VOPP1: variants seen among roughly 807,000 people sequenced by gnomAD.
VOPP1 encodes the protein VOPP1 WW domain binding protein.
Under a neutral mutation model 23.5 loss-of-function variants are expected in VOPP1, and 8 were observed. That is an observed-to-expected ratio of 0.34 (90% CI 0.20 to 0.61). The LOEUF (loss-of-function observed/expected upper bound fraction) is 0.61. Among genes scored for constraint, VOPP1 ranks in the 20% least tolerant of loss-of-function variants. The pLI is 0.78. For missense variants in VOPP1, 174 were observed against 238.1 expected (o/e 0.73, Z 1.77); for synonymous variants, 83 against 97.3 (o/e 0.85, Z 0.86).
chr7:55,436,827 G>A (rs1348771042), intron 4 of VOPP1, among the ~76,000 whole-genome samples: 3 of 152,046 alleles, frequency 2.0e-5, no homozygotes. Context: ...GAGAGACCAG[G>A]GTGTCAGCTG....
At chr7:55,515,112 C>T (rs1344303053) in intron 2 of VOPP1, among the ~76,000 whole-genome samples, 2 of 152,218 alleles carry the variant, frequency 1.3e-5, no homozygotes, top group South Asian at 2.1e-4. Context: ...TCTGCTCTTC[C>T]GCACACCCAA....
rs116458378 is a variant in VOPP1, at chr7:55,517,283, T to A, written c.113+3789A>T. Among the ~76,000 whole-genome samples the A allele has an allele frequency of 5.4e-3, 821 of 151,854 alleles. 12 individuals carry two copies. The highest frequency in any genetic ancestry group is 0.019 in the African/African-American group (784 of 41,342). ...TTTTTTTTTAATGTGATGTTGAAGA[T>A]GCTTCAGAAATGACTAGTCACTCTC... is the stretch of plus-strand genomic sequence containing the variant. On this transcript the variant is annotated intron_variant, in intron 2 of 4. Transcript: ENST00000285279.
chr7:55,556,427 G>A (rs1455639984), intron 1 of VOPP1, among the ~76,000 whole-genome samples: 2 of 152,098 alleles, frequency 1.3e-5, no homozygotes, highest in Non-Finnish European at 2.9e-5. Context: ...TTATAATAAA[G>A]ACACATTACT....
At chr7:55,468,631 G>C (rs1216393410), downstream of VOPP1, among the ~76,000 whole-genome samples, 1 of 152,232 alleles carries the variant, frequency 6.6e-6, no homozygotes, top group Non-Finnish European at 1.5e-5. Context: ...GGGCCCAGCA[G>C]GTGGCCCAGG....
At chr7:55,505,655 G>A (rs1455401902) in intron 2 of VOPP1, among the ~76,000 whole-genome samples, 1 of 672 alleles carries the variant, frequency 1.5e-3, no homozygotes, top group Admixed American at 0.036. Context: ...GGAAGGAAGG[G>A]AGGGAGGGAG....
chr7:55,441,705 A>G (rs1156606739), intron 4 of VOPP1, among the ~76,000 whole-genome samples: 1 of 152,178 alleles, frequency 6.6e-6, no homozygotes, highest in Non-Finnish European at 1.5e-5. Context: ...AGAGAGCAGT[A>G]GCGCACCCCC....
intron 2 of VOPP1, among the ~76,000 whole-genome samples, chr7:55,505,686 G>C (rs977574091): frequency 1.1e-5 from 1 of 92,514 alleles, no homozygotes; most frequent in Non-Finnish European, 2.2e-5. Context: ...AGGGAGGGAG[G>C]GAGGGAGGGA....
intron 4 of VOPP1, among the ~76,000 whole-genome samples, chr7:55,441,569 C>CA (rs1790965492): frequency 6.6e-6 from 1 of 152,050 alleles, no homozygotes; most frequent in Non-Finnish European, 1.5e-5. Flanking sequence ...ACGCACTTAG[C>CA]ATGGTACAAA....
chr7:55,507,917 T>C (rs916718032), intron 2 of VOPP1, among the ~76,000 whole-genome samples: 10 of 151,992 alleles, frequency 6.6e-5, no homozygotes, highest in African/African-American at 2.2e-4. Flanking sequence ...ACGTTGAGGG[T>C]GGGAAGATGG....
Position 55,499,791 on chromosome 7 carries a change from G to A in VOPP1, c.114-2101C>T, listed in dbSNP as rs140998152. Among the ~76,000 whole-genome samples, 186 of 152,296 alleles carry A rather than the reference G, an allele frequency of 1.2e-3. 1 individual carries two copies. Among genetic ancestry groups the A allele is most frequent in the African/African-American group, 4.2e-3 (175 of 41,572 alleles). On this transcript the variant is annotated intron_variant, in intron 2 of 4. Coordinates refer to ENST00000285279, the MANE Select transcript of VOPP1 (RefSeq NM_030796.5). ...ACCCCTGGTTCCACGGCTGCATGCTGGAGATGAGTGCAGGAGCACAGGGTG... is the reference window on the plus strand; with the variant it reads ...ACCCCTGGTTCCACGGCTGCATGCTAGAGATGAGTGCAGGAGCACAGGGTG...
At chr7:55,556,489 G>A (rs185622599) in intron 1 of VOPP1, among the ~76,000 whole-genome samples, 112 of 151,882 alleles carry the variant, frequency 7.4e-4, no homozygotes, top group Admixed American at 3.6e-3. Flanking sequence ...AATGCATAAC[G>A]TGAACCAGCA....
intron 4 of VOPP1, among the ~76,000 whole-genome samples, chr7:55,475,466 G>A (rs142585947): frequency 6.6e-6 from 1 of 152,332 alleles, no homozygotes; most frequent in African/African-American, 2.4e-5. Context: ...AAGGGCAACA[G>A]GAGAACTGAC....
At chr7:55,504,502 G>C (rs1794581768) in intron 2 of VOPP1, among the ~76,000 whole-genome samples, 1 of 152,230 alleles carries the variant, frequency 6.6e-6, no homozygotes, top group Non-Finnish European at 1.5e-5. Context: ...AAATCTCCTT[G>C]TAAGGACTGC....
intron 4 of VOPP1, among the ~76,000 whole-genome samples, chr7:55,446,418 A>T (rs746594498): frequency 6.6e-6 from 1 of 152,198 alleles, no homozygotes; most frequent in Non-Finnish European, 1.5e-5. Context: ...GTGCACATGT[A>T]ACTTAGAGAT....
chr7:55,518,129 G>A (rs746971891), intron 2 of VOPP1, among the ~76,000 whole-genome samples: 5 of 152,288 alleles, frequency 3.3e-5, no homozygotes, highest in East Asian at 1.9e-4. Context: ...CTGGCCGTGT[G>A]CAAGTCCTGT....
chr7:55,522,865 C>A (rs188205950), intron 1 of VOPP1, among the ~76,000 whole-genome samples: 16 of 152,336 alleles, frequency 1.1e-4, no homozygotes, highest in African/African-American at 3.8e-4. Context: ...ATTCCCAGAT[C>A]CAAAGCAGCC....
chr7:55,500,370 T>C (rs896364553), intron 2 of VOPP1, among the ~76,000 whole-genome samples: 2 of 152,238 alleles, frequency 1.3e-5, no homozygotes, highest in Non-Finnish European at 2.9e-5. Context: ...GGACTGAGTG[T>C]GGTCTGCAGG....
At chr7:55,457,802 A>ATTT (rs202233307) in intron 4 of VOPP1, among the ~76,000 whole-genome samples, 1,783 of 148,510 alleles carry the variant, frequency 0.012, 13 homozygotes, top group Admixed American at 0.021. Flanking sequence ...TTTAAAAGGG[A>ATTT]TTTTTTTTTT....
chr7:55,533,534 G>A (rs546906374), intron 1 of VOPP1, among the ~76,000 whole-genome samples: 4 of 152,290 alleles, frequency 2.6e-5, no homozygotes, highest in South Asian at 2.1e-4. Flanking sequence ...TTTTAACCAC[G>A]AAAGAGGAAG....
Sources: allele counts gnomAD v4.1 joint callset (sites outside exome capture counted in the v4.1 genomes callset), GRCh38; gene constraint gnomAD v4.1.1; transcripts MANE v1.5; gene names NCBI Gene and HGNC (gene_info 2026-07-23, HGNC 2026-07-21).